Variants in RCC2 observed in about 807,000 individuals in gnomAD.
The protein encoded by RCC2 is protein RCC2.
In RCC2, 19 loss-of-function variants were observed where a neutral mutation model predicts 64.1. The ratio of observed to expected loss-of-function variants is 0.30; its 90% CI spans 0.21 to 0.44. RCC2 has a LOEUF of 0.44. Among genes scored for constraint, RCC2 ranks in the 20% least tolerant of loss-of-function variants. The probability of loss-of-function intolerance (pLI) is 1.00; values close to 1 mark genes in which losing one functional copy is unlikely to be tolerated. For synonymous variants in RCC2, 325 were observed against 279.6 expected, an observed-to-expected ratio of 1.16 and a Z score of -1.62; for missense variants, 508 against 710.4, an observed-to-expected ratio of 0.72 and a Z score of 3.24.
intron 2 of RCC2, among the ~76,000 whole-genome samples, chr1:17,434,838 C>T (rs888903874): frequency 2.6e-5 from 4 of 152,258 alleles, no homozygotes; most frequent in Admixed American, 6.5e-5. Flanking sequence ...GGAGGCGGGG[C>T]GTGGTGGCTC....
At chr1:17,417,294 A>C (rs1366143416) in intron 7 of RCC2, among the ~76,000 whole-genome samples, 1 of 152,202 alleles carries the variant, frequency 6.6e-6, no homozygotes, top group African/African-American at 2.4e-5. Flanking sequence ...CACGCCAGAC[A>C]CCCAAGCTCC....
chr1:17,422,963 C>CAA (rs1553157496), intron 4 of RCC2, 127 bp from the exon 5 acceptor site: 1 of 1,138,702 alleles, frequency 8.8e-7, no homozygotes, highest in Non-Finnish European at 1.3e-6. Context: ...CTCCAAATTC[C>CAA]CAACAGCCAA....
chr1:17,438,358 C>T lies in RCC2; in HGVS notation c.157G>A (p.Asp53Asn). The T allele has an allele frequency of 8.1e-7, 1 of 1,240,160 alleles. No individual in the cohort carries two copies. The highest frequency in any genetic ancestry group is 1.0e-6 in the Non-Finnish European group (1 of 993,738). The allele number at this position is 1,240,160 out of a possible 1,614,324, so 76.8% of individuals were successfully genotyped here. ...CCGTCGAGCTCCAGGCCGTCCTCGT[C>T]GCCGCTGCTGCCGCCGCCGCTGCTG... The part of the protein sequence containing the change: ...SSSSGGGSSG[D>N]EDGLELDGAP... Residue 53 changes from aspartate (D) to asparagine (N), a missense_variant, in exon 2 of 13, where the codon GAC becomes AAC. Physicochemically the swap from Asp to Asn is conservative, Grantham distance 23. Coordinates refer to ENST00000375436, the MANE Select transcript of RCC2 (RefSeq NM_018715.4).
chr1:17,433,617 T>C (rs2075706736), intron 2 of RCC2, among the ~76,000 whole-genome samples: 1 of 152,202 alleles, frequency 6.6e-6, no homozygotes, highest in African/African-American at 2.4e-5. Context: ...ATGAGTGATT[T>C]TCATGTCATT....
intron 2 of RCC2, among the ~76,000 whole-genome samples, chr1:17,432,670 T>C (rs955620077): frequency 2.0e-5 from 3 of 152,252 alleles, no homozygotes; most frequent in Non-Finnish European, 4.4e-5. Flanking sequence ...CAGCCAGAGC[T>C]TAACCGCAGT....
intron 11 of RCC2, 150 bp downstream of exon 11, chr1:17,411,972 T>C: frequency 1.4e-6 from 1 of 704,986 alleles, no homozygotes; most frequent in Non-Finnish European, 2.5e-6. Flanking sequence ...CTCATGGGAC[T>C]CAATCGTGTT....
rs1441270453 is a variant in RCC2 at position 17,425,692 on chromosome 1, G to A, written c.380-8C>T. On this transcript the variant is annotated splice_polypyrimidine_tract_variant and splice_region_variant and intron_variant, in intron 3 of 12. Coordinates refer to ENST00000375436, the MANE Select transcript of RCC2 (RefSeq NM_018715.4). ...CGAGATTGCGGTAAGCAGCTGCAGA[G>A]AGAATGAGAATGCAGATCAGACACC... 2 of 1,601,590 alleles carry A rather than the reference G, an allele frequency of 1.2e-6. No individual in the cohort carries two copies. Among genetic ancestry groups the A allele is most frequent in the East Asian group, 2.2e-5 (1 of 44,482 alleles).
At position 17,410,040 on chromosome 1, in the gene RCC2, G is replaced by C. The variant is rs2075408023; in HGVS notation, c.1398C>G (p.Asp466Glu). The part of the protein sequence containing the change: ...SPTFGELGYG[D>E]HKPKSSTAAQ... ...CTGCAGTGGAAGACTTGGGCTTGTG[G>C]TCCCCGTAGCCCTGGCGAAGCAAAC... Residue 466 changes from aspartate to glutamate, a missense_variant, in exon 12 of 13, where the codon GAC (aspartate) becomes GAG (glutamate). Transcript: ENST00000375436. 1 of 1,613,920 alleles carries C rather than the reference G, an allele frequency of 6.2e-7. No individual in the cohort carries two copies. Among genetic ancestry groups the C allele is most frequent in the African/African-American group, 1.3e-5 (1 of 74,914 alleles).
intron 7 of RCC2, among the ~76,000 whole-genome samples, chr1:17,418,870 C>G (rs574718325): frequency 6.6e-6 from 1 of 152,332 alleles, no homozygotes; most frequent in Non-Finnish European, 1.5e-5. Context: ...TTGCTATCGA[C>G]ACAGTGGATA....
At chr1:17,417,586 G>A (rs1264123734) in intron 7 of RCC2, among the ~76,000 whole-genome samples, 2 of 152,182 alleles carry the variant, frequency 1.3e-5, no homozygotes, top group African/African-American at 2.4e-5. Context: ...GGAAGGCTGA[G>A]GCAGAAGAAT....
chr1:17,437,949 T>A (rs1448042679), intron 2 of RCC2, among the ~76,000 whole-genome samples: 24 of 143,842 alleles, frequency 1.7e-4, no homozygotes, highest in Admixed American at 4.8e-4. Flanking sequence ...TCGTGCGGGC[T>A]TCGGCCGCCC....
At chr1:17,437,423 C>T (rs2075746217) in intron 2 of RCC2, among the ~76,000 whole-genome samples, 5 of 151,480 alleles carry the variant, frequency 3.3e-5, no homozygotes. Flanking sequence ...GATGCTGTGG[C>T]GGCAGATGCC....
intron 2 of RCC2, among the ~76,000 whole-genome samples, chr1:17,433,037 T>C (rs1039667325): frequency 6.6e-5 from 10 of 151,798 alleles, no homozygotes; most frequent in South Asian, 4.2e-4. Flanking sequence ...CACACACACA[T>C]ATACATACGT....
At chr1:17,422,904 G>A (rs527498140) in intron 4 of RCC2, 68 bp from the exon 5 acceptor site, 6 of 1,585,138 alleles carry the variant, frequency 3.8e-6, no homozygotes, top group African/African-American at 1.3e-5. Context: ...AGGAGAAGGC[G>A]AGTACAAACA....
chr1:17,415,494 C>T lies in RCC2; in HGVS notation c.1026+986G>A, dbSNP rs924917832. Among the ~76,000 whole-genome samples, 9 of 151,548 alleles carry T rather than the reference C, an allele frequency of 5.9e-5. No individual in the cohort carries two copies. The South Asian group carries it at 8.4e-4, about 14-fold the overall frequency. On this transcript the variant is annotated intron_variant, in intron 8 of 12. Coordinates refer to ENST00000375436, the MANE Select transcript of RCC2 (RefSeq NM_018715.4). ...TTGGGAGGCCGAGGCAGGTGGATCA[C>T]GAGGTCAGGAGTTTGAGACCAGCCT...
chr1:17,412,185 G>A lies in RCC2; in HGVS notation c.1323C>T (p.Ser441=), dbSNP rs779121668. 19 of 1,613,952 alleles carry A rather than the reference G, an allele frequency of 1.2e-5. No individual in the cohort carries two copies. The highest frequency in any genetic ancestry group is 1.6e-5 in the Non-Finnish European group (19 of 1,180,006). Residue 441 remains serine, a synonymous_variant, in exon 11 of 13, where the codon AGC becomes AGT. Transcript: ENST00000375436. ...RIRSLACGKS[S]IIVAADESTI... ...TGCTCTCATCGGCGGCCACAATGAT[G>A]CTGCTCTTCCTGCAAACAGGCAGGC... is the stretch of plus-strand genomic sequence containing the variant.
chr1:17,415,479 G>A (rs566549163), intron 8 of RCC2, among the ~76,000 whole-genome samples: 5 of 152,218 alleles, frequency 3.3e-5, no homozygotes, highest in East Asian at 3.9e-4. Context: ...TTGGGAGGCC[G>A]AGGCAGGTGG....
chr1:17,413,652 G>C lies in RCC2; in HGVS notation c.1092C>G (p.His364Gln). 6.2e-7 allele frequency: 1 copy of C among 1,614,176 alleles called. No individual in the cohort carries two copies. The highest frequency in any genetic ancestry group is 8.5e-7 in the Non-Finnish European group (1 of 1,180,032). Residue 364 changes from histidine (H) to glutamine (Q), a missense_variant, in exon 9 of 13, where the codon CAC becomes CAG. His to Gln is a conservative substitution (Grantham distance 24, BLOSUM62 0). Transcript: ENST00000375436. ...GGACCATCTCATCCTTCTGCTCTGC[G>C]TGGCCCAGCCGGCCATAGCCACCAA... The part of the protein sequence containing the change: ...WGFGGYGRLG[H>Q]AEQKDEMVPR...
At chr1:17,424,114 G>T (rs1427694906) in intron 4 of RCC2, among the ~76,000 whole-genome samples, 1 of 152,210 alleles carries the variant, frequency 6.6e-6, no homozygotes, top group Non-Finnish European at 1.5e-5. Context: ...AGGACAGGGT[G>T]AGCGGGCCAC....
Sources: allele counts gnomAD v4.1 joint callset (sites outside exome capture counted in the v4.1 genomes callset), GRCh38; gene constraint gnomAD v4.1.1; transcripts MANE v1.5; gene names NCBI Gene and HGNC (gene_info 2026-07-23, HGNC 2026-07-21).